PCSK5: variants seen among roughly 807,000 people sequenced by gnomAD.
PCSK5 encodes the protein proprotein convertase subtilisin/kexin type 5.
PCSK5 carries 129 observed loss-of-function variants against 233.2 expected under a neutral mutation model. That is an observed-to-expected ratio of 0.55 (90% CI 0.48 to 0.64). The LOEUF is 0.64. Among genes scored for constraint, PCSK5 ranks in the 30% least tolerant of loss-of-function variants. The probability of loss-of-function intolerance (pLI) is 0.00; values close to 1 mark genes in which losing one functional copy is unlikely to be tolerated. For synonymous variants in PCSK5, 825 were observed against 879.2 expected (o/e 0.94, Z 1.09); for missense variants, 2,076 against 2,430.1 (o/e 0.85, Z 3.06).
chr9:76,114,460 C>T (rs1467258167), intron 9 of PCSK5, among the ~76,000 whole-genome samples: 1 of 152,094 alleles, frequency 6.6e-6, no homozygotes, highest in Non-Finnish European at 1.5e-5. Context: ...AACTTTGTAC[C>T]TTAACTAATG....
At chr9:75,905,661 C>T (rs1354811694) in intron 1 of PCSK5, among the ~76,000 whole-genome samples, 1 of 152,198 alleles carries the variant, frequency 6.6e-6, no homozygotes, top group Non-Finnish European at 1.5e-5. Flanking sequence ...CCAGGCTGAA[C>T]AGCAGGAAGT....
At chr9:75,984,601 G>A (rs1203494764) in intron 2 of PCSK5, among the ~76,000 whole-genome samples, 1 of 152,182 alleles carries the variant, frequency 6.6e-6, no homozygotes, top group African/African-American at 2.4e-5. Flanking sequence ...AAGTAATACA[G>A]TGATAGGGCC....
chr9:76,196,633 A>G (rs920819592), intron 20 of PCSK5, among the ~76,000 whole-genome samples: 1 of 152,324 alleles, frequency 6.6e-6, no homozygotes. Context: ...AAGAGCCTCT[A>G]CTGCTTTGAA....
chr9:76,190,610 A>C (rs1041028020), intron 20 of PCSK5, among the ~76,000 whole-genome samples: 8 of 86,280 alleles, frequency 9.3e-5, no homozygotes, highest in Non-Finnish European at 1.8e-4. Flanking sequence ...TTTTTAGCCA[A>C]TCTCCTATTA....
chr9:76,159,211 G>A (rs370744693), intron 12 of PCSK5, 40 bp downstream of exon 12: 2 of 1,564,776 alleles, frequency 1.3e-6, no homozygotes, highest in Non-Finnish European at 8.8e-7. Context: ...AGTAGTCACA[G>A]CGACACTCGG....
chr9:76,104,323 T>C (rs1315033444), intron 8 of PCSK5, among the ~76,000 whole-genome samples: 1 of 152,212 alleles, frequency 6.6e-6, no homozygotes, highest in East Asian at 1.9e-4. Context: ...GATGTTTTTG[T>C]TTCTTTTCTC....
intron 8 of PCSK5, among the ~76,000 whole-genome samples, chr9:76,103,517 G>A (rs1831849487): frequency 6.6e-6 from 1 of 152,052 alleles, no homozygotes; most frequent in Non-Finnish European, 1.5e-5. Context: ...AAAATCAAAG[G>A]TCCAATCAGA....
intron 28 of PCSK5, 110 bp downstream of exon 28, chr9:76,302,327 G>A (rs1828636950): frequency 2.5e-6 from 1 of 400,616 alleles, no homozygotes; most frequent in Non-Finnish European, 4.7e-6. Flanking sequence ...CAAATGGGGT[G>A]CAGAGATGCA....
intron 5 of PCSK5, among the ~76,000 whole-genome samples, chr9:76,055,856 A>T (rs1829801585): frequency 1.3e-5 from 2 of 152,178 alleles, no homozygotes; most frequent in Non-Finnish European, 2.9e-5. Context: ...GTGAGAATCA[A>T]ATGAGGCAAA....
At chr9:76,052,003 T>G (rs1829647503) in intron 5 of PCSK5, among the ~76,000 whole-genome samples, 2 of 152,134 alleles carry the variant, frequency 1.3e-5, no homozygotes, top group Admixed American at 1.3e-4. Context: ...TGGGCAATCT[T>G]TTTTCGTAGA....
chr9:76,218,496 C>T (rs1825617110), intron 20 of PCSK5, among the ~76,000 whole-genome samples: 2 of 151,954 alleles, frequency 1.3e-5, no homozygotes, highest in Admixed American at 1.3e-4. Flanking sequence ...CATTCTGGTG[C>T]TTAAATTCCT....
At chr9:76,024,972 G>A (rs1047487137) in intron 4 of PCSK5, among the ~76,000 whole-genome samples, 1 of 152,110 alleles carries the variant, frequency 6.6e-6, no homozygotes, top group East Asian at 1.9e-4. Context: ...TCTGTTTCGG[G>A]CCTCTTTTTC....
intron 16 of PCSK5, among the ~76,000 whole-genome samples, chr9:76,183,487 C>T (rs955427681): frequency 6.6e-6 from 1 of 152,184 alleles, no homozygotes; most frequent in South Asian, 2.1e-4. Context: ...CTTCTCAAGA[C>T]AACCAGAGAG....
intron 2 of PCSK5, among the ~76,000 whole-genome samples, chr9:75,970,375 C>T (rs1825765865): frequency 6.6e-6 from 1 of 152,118 alleles, no homozygotes; most frequent in South Asian, 2.1e-4. Context: ...TCAGAAAGTG[C>T]CCTGGAGGGA....
chr9:76,090,683 T>C (rs1253613613), intron 7 of PCSK5, among the ~76,000 whole-genome samples: 1 of 152,178 alleles, frequency 6.6e-6, no homozygotes, highest in Non-Finnish European at 1.5e-5. Flanking sequence ...TCTCAACTTT[T>C]TTGGTGCCAG....
chr9:76,108,530 G>A (rs1305839509), intron 9 of PCSK5, among the ~76,000 whole-genome samples: 1 of 152,176 alleles, frequency 6.6e-6, no homozygotes, highest in African/African-American at 2.4e-5. Context: ...CAAGGCGGGT[G>A]GATCACGAGG....
chr9:76,340,697 G>A (rs927633540), intron 35 of PCSK5, among the ~76,000 whole-genome samples: 4 of 148,212 alleles, frequency 2.7e-5, no homozygotes, highest in Non-Finnish European at 3.0e-5. Flanking sequence ...CTCCAATCTC[G>A]TTTTATGGAA....
chr9:76,356,173 CACA>C (rs1830298019), intron 37 of PCSK5, among the ~76,000 whole-genome samples: 1 of 152,198 alleles, frequency 6.6e-6, no homozygotes, highest in South Asian at 2.1e-4. Flanking sequence ...TAATAACTCT[CACA>C]ACATTAATGC....
intron 9 of PCSK5, among the ~76,000 whole-genome samples, chr9:76,109,560 GTT>G (rs61400585): frequency 0.2 from 28,028 of 136,812 alleles, 2,651 homozygotes; most frequent in East Asian, 0.4. Context: ...GACTACAATT[GTT>G]TTTTTTTTTT....
Sources: allele counts gnomAD v4.1 joint callset (sites outside exome capture counted in the v4.1 genomes callset), GRCh38; gene constraint gnomAD v4.1.1; transcripts MANE v1.5; gene names NCBI Gene and HGNC (gene_info 2026-07-23, HGNC 2026-07-21).